The following IQANK1 variants were observed in gnomAD, a reference collection of about 807,000 sequenced individuals.
IQANK1 encodes IQ motif and ankyrin repeat domain-containing protein 1.
IQANK1 carries 30 observed loss-of-function variants against 22.6 expected under a neutral mutation model. The observed-to-expected ratio is 1.33, with a 90% confidence interval of 0.99 to 1.80. The LOEUF is 1.80. IQANK1 is among the 40% of genes most tolerant of loss of function. IQANK1 has a pLI of 0.00. For missense variants in IQANK1, 275 were observed against 235.2 expected, an observed-to-expected ratio of 1.17 and a Z score of -1.11; for synonymous variants, 122 against 99.6, an observed-to-expected ratio of 1.23 and a Z score of -1.34.
intron 3 of IQANK1, among the ~76,000 whole-genome samples, chr8:143,751,526 C>T (rs564051001): frequency 6.5e-4 from 98 of 149,972 alleles, no homozygotes; most frequent in African/African-American, 2.3e-3. Context: ...GCAGGAGAAT[C>T]ACTTGAACCT....
At chr8:143,785,923 C>T (rs1254543310) in intron 7 of IQANK1, among the ~76,000 whole-genome samples, 1 of 151,976 alleles carries the variant, frequency 6.6e-6, no homozygotes, top group Non-Finnish European at 1.5e-5. Context: ...GACGGGGTTT[C>T]ACCACGTTGG....
intron 2 of IQANK1, among the ~76,000 whole-genome samples, chr8:143,738,716 C>T (rs1437880370): frequency 2.0e-5 from 3 of 152,136 alleles, no homozygotes; most frequent in Admixed American, 2.0e-4. Context: ...CCCATCCCGG[C>T]TCCCCCGGTC....
chr8:143,742,917 C>T (rs1554626796), intron 3 of IQANK1: 1 of 456,094 alleles, frequency 2.2e-6, no homozygotes. Context: ...GCACAGGTGC[C>T]AGAATCTATC....
At chr8:143,747,910 G>GTCCTTTCCTT (rs71318621) in intron 3 of IQANK1, among the ~76,000 whole-genome samples, 23,525 of 105,950 alleles carry the variant, frequency 0.22, 4,084 homozygotes, top group Non-Finnish European at 0.31. Context: ...ATTGTGTTAA[G>GTCCTTTCCTT]TCCTTTCCTT....
chr8:143,734,422 C>G (rs932453606), intron 1 of IQANK1, among the ~76,000 whole-genome samples: 1 of 150,906 alleles, frequency 6.6e-6, no homozygotes, highest in Non-Finnish European at 1.5e-5. Flanking sequence ...GGTCCCCCAT[C>G]TTTCTCCCTC....
rs1587498744 is a variant in IQANK1 at position 143,789,683 on chromosome 8, G to A, written c.1087-78G>A. 10 of 1,214,826 alleles carry A rather than the reference G, an allele frequency of 8.2e-6. No individual in the cohort carries two copies. The East Asian group carries it at 2.8e-4, about 35-fold the overall frequency. The allele number at this position is 1,214,826 out of a possible 1,614,324, so 75.3% of individuals were successfully genotyped here. A position where few individuals can be genotyped will look rare whatever the true frequency, so the allele number is the denominator to read the frequency against. Reference sequence around the variant, plus strand: ...CAGTGGCCTGCTTGGGGTGGGGTGGGGAGGAAGCTCGGGCAGCTGCCCTCT... The same window carrying A: ...CAGTGGCCTGCTTGGGGTGGGGTGGAGAGGAAGCTCGGGCAGCTGCCCTCT... On this transcript the variant is annotated intron_variant, in intron 10 of 13. Transcript: ENST00000527139.
intron 3 of IQANK1, among the ~76,000 whole-genome samples, chr8:143,760,855 G>C (rs1554628836): frequency 3.3e-5 from 5 of 152,228 alleles, no homozygotes. Context: ...CATCGCGGCG[G>C]GGCCCTCCCA....
intron 2 of IQANK1, chr8:143,739,603 C>T: frequency 2.5e-6 from 1 of 401,690 alleles, no homozygotes; most frequent in South Asian, 6.3e-5. Flanking sequence ...CTTGGGCCCA[C>T]AAGAGCCCAG....
intron 3 of IQANK1, chr8:143,759,022 G>A (rs187766710): frequency 9.7e-5 from 20 of 205,472 alleles, no homozygotes; most frequent in African/African-American, 4.4e-4. Context: ...GCAATTCTTC[G>A]CAATGGGGTC....
intron 3 of IQANK1, among the ~76,000 whole-genome samples, chr8:143,748,773 T>G (rs1819099245): frequency 9.5e-6 from 1 of 105,272 alleles, no homozygotes; most frequent in South Asian, 2.9e-4. Context: ...ATATAATATA[T>G]AAATATATCA....
At chr8:143,736,939 C>A (rs530507394) in intron 2 of IQANK1, among the ~76,000 whole-genome samples, 233 of 152,258 alleles carry the variant, frequency 1.5e-3, no homozygotes, top group Non-Finnish European at 2.9e-3. Flanking sequence ...GCTAAGAGAG[C>A]ACCCCATCCT....
At chr8:143,739,819 G>A (rs1563766772) in intron 2 of IQANK1, 40 bp from the exon 3 acceptor site, 4 of 678,452 alleles carry the variant, frequency 5.9e-6, no homozygotes, top group Non-Finnish European at 5.4e-6. Flanking sequence ...GGGGATGGGG[G>A]TCTCTCATCC....
At chr8:143,779,265 A>C (rs1819749446) in intron 7 of IQANK1, among the ~76,000 whole-genome samples, 1 of 152,192 alleles carries the variant, frequency 6.6e-6, no homozygotes, top group Admixed American at 6.5e-5. Flanking sequence ...ATCCATTCAT[A>C]CACGCATTCA....
Position 143,758,058 on chromosome 8 carries a change from T to C in IQANK1, c.176-13430T>C, listed in dbSNP as rs1273693104. On this transcript the variant is annotated intron_variant, in intron 3 of 13. Transcript: ENST00000527139. This position sits in a 1 kb window ranked among gnomAD's most constrained non-coding sequence, Gnocchi z 4.2. Reference sequence around the variant, plus strand: ...CTCTGGATTAGATTACCTCAGAGAGTGGTAGCACTGACCCAGCAGTGAGAC... The same window carrying C: ...CTCTGGATTAGATTACCTCAGAGAGCGGTAGCACTGACCCAGCAGTGAGAC... The C allele has an allele frequency of 6.6e-6, 1 of 152,058 alleles. No homozygotes were observed. The highest frequency in any genetic ancestry group is 1.5e-5 in the Non-Finnish European group (1 of 68,034). 9.4% of individuals were successfully genotyped at this position (152,058 alleles called of 1,614,324 possible). A position where few individuals can be genotyped will look rare whatever the true frequency, so the allele number is the denominator to read the frequency against.
chr8:143,771,046 C>A lies in IQANK1; in HGVS notation c.176-442C>A, dbSNP rs1182257391. Among the ~76,000 whole-genome samples, 1 of 152,362 alleles carries A rather than the reference C, an allele frequency of 6.6e-6. No individual in the cohort carries two copies. Among genetic ancestry groups the A allele is most frequent in the South Asian group, 2.1e-4 (1 of 4,832 alleles). On this transcript the variant is annotated intron_variant, in intron 3 of 13. Coordinates refer to ENST00000527139, the MANE Select transcript of IQANK1 (RefSeq NM_001381874.1). This position sits in a 1 kb window ranked among gnomAD's most constrained non-coding sequence, Gnocchi z 6.0. The stretch of plus-strand genomic sequence containing the variant: ...TCTGGGGCCCTGGGCTCCGCGCCCT[C>A]TTCTGAGTCCAGCGGGGCTGTGATG...
intron 3 of IQANK1, among the ~76,000 whole-genome samples, chr8:143,770,255 T>C (rs1052131904): frequency 7.2e-5 from 11 of 152,362 alleles, no homozygotes; most frequent in South Asian, 2.1e-4. Flanking sequence ...CTGGGATTTT[T>C]CCCCCTTTTG....
chr8:143,775,623 G>A (rs917639847), intron 7 of IQANK1, among the ~76,000 whole-genome samples: 8 of 152,038 alleles, frequency 5.3e-5, no homozygotes, highest in South Asian at 2.1e-4. Context: ...GCTGCTGGGC[G>A]TGGTGGTGGG....
chr8:143,775,465 GTTA>G (rs1206604251), intron 7 of IQANK1, among the ~76,000 whole-genome samples: 2 of 151,842 alleles, frequency 1.3e-5, no homozygotes, highest in Admixed American at 1.3e-4. Flanking sequence ...AACATTAAAA[GTTA>G]TTATAGCTGA....
intron 3 of IQANK1, chr8:143,742,269 TC>T (rs1818937765): frequency 4.8e-6 from 2 of 419,684 alleles, no homozygotes; most frequent in South Asian, 3.4e-5. Flanking sequence ...AAGTGACTCT[TC>T]CCACCCACAG....
Sources: gnomAD v4.1 joint callset for allele counts (sites outside exome capture counted in the v4.1 genomes callset) on GRCh38, gnomAD v4.1.1 for gene constraint, Gnocchi (gnomAD v3.1) non-coding constraint, MANE v1.5 for transcripts, NCBI Gene and HGNC (gene_info 2026-07-23, HGNC 2026-07-21) for gene names.